MUC20: variants seen among roughly 807,000 people sequenced by gnomAD.
MUC20 encodes mucin-20.
Under a neutral mutation model 23.8 loss-of-function variants are expected in MUC20, and 14 were observed. The ratio of observed to expected loss-of-function variants is 0.59; its 90% CI spans 0.39 to 0.92. The LOEUF (loss-of-function observed/expected upper bound fraction) is 0.92, where lower values mean the gene tolerates loss of function less well. Among genes scored for constraint, MUC20 ranks in the 40% least tolerant of loss-of-function variants. The pLI is 0.00. For synonymous variants in MUC20, 166 were observed against 279.3 expected (o/e 0.59, Z 4.04); for missense variants, 375 against 668.8 (o/e 0.56, Z 4.85).
At chr3:195,727,768 C>G (rs537056870) in intron 2 of MUC20, among the ~76,000 whole-genome samples, 1 of 152,068 alleles carries the variant, frequency 6.6e-6, no homozygotes, top group East Asian at 1.9e-4. Flanking sequence ...CATATGTTAT[C>G]TGATGCCAGG....
chr3:195,722,903 A>T (rs1577837704), intron 1 of MUC20: 1 of 684,340 alleles, frequency 1.5e-6, no homozygotes, highest in East Asian at 1.2e-4. Flanking sequence ...CTGGGGGTGC[A>T]GCCCGCACTC....
At chr3:195,727,113 A>G (rs1712775137) in intron 2 of MUC20, among the ~76,000 whole-genome samples, 1 of 152,274 alleles carries the variant, frequency 6.6e-6, no homozygotes, top group Admixed American at 6.5e-5. Flanking sequence ...AAATAAATTA[A>G]TACAGGCCTG....
intron 3 of MUC20, 57 bp from the exon 4 acceptor site, chr3:195,733,093 C>T: frequency 6.5e-7 from 1 of 1,540,194 alleles, no homozygotes; most frequent in Non-Finnish European, 8.8e-7. Flanking sequence ...TCCTCTGCCT[C>T]TGGCGAGCTC....
Position 195,726,477 on chromosome 3 carries a change from T to C in MUC20, c.1874T>C (p.Leu625Ser). ...TNSSRGTNST[L>S]AKITTSAKTT... ...AGCAGCCGAGGGACGAACAGCACCT[T>C]AGCCAAGATCACAACCTCAGCGAAG... Residue 625 changes from leucine (L) to serine (S), a missense_variant, in exon 2 of 4, where the codon TTA becomes TCA. By Grantham distance (145) the Leu-to-Ser change is moderately radical. Around this residue, in one of 4 missense-constraint regions of MUC20, gnomAD observed 343 missense variants for 340.2 expected, o/e 1.01. Transcript: ENST00000447234. 2.5e-6 allele frequency: 4 copies of C among 1,614,022 alleles called. No individual in the cohort carries two copies. The highest frequency in any genetic ancestry group is 3.4e-6 in the Non-Finnish European group (4 of 1,179,890).
chr3:195,730,520 G>GTT (rs72121428), intron 3 of MUC20, among the ~76,000 whole-genome samples: 21,812 of 147,544 alleles, frequency 0.15, 1,522 homozygotes, highest in Non-Finnish European at 0.2. Context: ...TAATTTTTAT[G>GTT]TTTTTTTTTT....
Position 195,733,175 on chromosome 3 carries a change from C to T in MUC20, c.2087C>T (p.Ala696Val), listed in dbSNP as rs376887409. 2.6e-5 allele frequency: 41 copies of T among 1,595,078 alleles called. No homozygotes were observed. The highest frequency in any genetic ancestry group is 3.1e-5 in the Non-Finnish European group (36 of 1,171,842). The change falls in exon 4 of 4, where the codon GCG (alanine) becomes GTG (valine). Residue 696 changes from alanine to valine, a missense_variant. Physicochemically the swap from Ala to Val is moderately conservative, Grantham distance 64. Transcript: ENST00000447234. ...QQLHRELHAH[A>V]PHFQVSLLRV... ...CTCCACCGGGAACTCCACGCCCACG[C>T]GCCTCACTTCCAGGTCTCCTTACTG... is the stretch of plus-strand genomic sequence containing the variant.
chr3:195,731,662 C>A (rs1371812687), intron 3 of MUC20, among the ~76,000 whole-genome samples: 1 of 152,258 alleles, frequency 6.6e-6, no homozygotes, highest in Non-Finnish European at 1.5e-5. Context: ...CACATAGGTT[C>A]TCGCTGCCTT....
intron 3 of MUC20, 53 bp downstream of exon 3, chr3:195,729,792 G>A: frequency 1.3e-6 from 2 of 1,510,946 alleles, no homozygotes; most frequent in East Asian, 4.8e-5. Context: ...GAGGTTCGCA[G>A]GGGCTGCAGG....
chr3:195,731,089 G>T (rs1164939972), intron 3 of MUC20, among the ~76,000 whole-genome samples: 4 of 152,266 alleles, frequency 2.6e-5, no homozygotes, highest in Non-Finnish European at 5.9e-5. Context: ...AACAGGCCCA[G>T]TGCACAGTCT....
At chr3:195,727,684 A>G (rs7625305) in intron 2 of MUC20, among the ~76,000 whole-genome samples, 2,615 of 151,868 alleles carry the variant, frequency 0.017, 1 homozygote, top group African/African-American at 0.059. Flanking sequence ...TGATATAAAC[A>G]TGTTTCACAC....
Position 195,733,496 on chromosome 3 carries a change from C to G in MUC20, c.*278C>G, listed in dbSNP as rs992595285. On this transcript the variant is annotated 3_prime_UTR_variant, in exon 4 of 4. Transcript: ENST00000447234. Reference sequence around the variant, plus strand: ...GTTCTGTGTTTCAGTAAAGAGAGACCTGATCACCCATCTGTGTGCTTCCAT... The same window carrying G: ...GTTCTGTGTTTCAGTAAAGAGAGACGTGATCACCCATCTGTGTGCTTCCAT... 2.1e-5 allele frequency: 29 copies of G among 1,383,508 alleles called. No homozygotes were observed. The highest frequency in any genetic ancestry group is 2.7e-5 in the Non-Finnish European group (29 of 1,072,550). The allele number at this position is 1,383,508 out of a possible 1,614,324, so 85.7% of individuals were successfully genotyped here. A position where few individuals can be genotyped will look rare whatever the true frequency, so the allele number is the denominator to read the frequency against.
chr3:195,729,832 A>C, intron 3 of MUC20, 93 bp downstream of exon 3: 3 of 1,249,300 alleles, frequency 2.4e-6, no homozygotes, highest in Non-Finnish European at 3.4e-6. Flanking sequence ...AAGAGCAGCT[A>C]CCGCGCTTGG....
intron 1 of MUC20, chr3:195,722,051 G>T: frequency 5.8e-6 from 1 of 172,414 alleles, no homozygotes; most frequent in Non-Finnish European, 1.2e-5. Flanking sequence ...CTGCAGTGGA[G>T]AGTCTGGAGT....
chr3:195,728,022 T>C (rs547951179), intron 2 of MUC20, among the ~76,000 whole-genome samples: 147 of 152,356 alleles, frequency 9.6e-4, no homozygotes, highest in African/African-American at 3.4e-3. Flanking sequence ...TATTTAACCT[T>C]CAAAACAGCC....
rs1353754664 is a variant in MUC20 at position 195,733,407 on chromosome 3, A to C, written c.*189A>C. ...CAGGACCCTCGCTCACATCCACCGGAGTGTATGTGTGGGGAGGGGCTTCAC... is the reference window on the plus strand; with the variant it reads ...CAGGACCCTCGCTCACATCCACCGGCGTGTATGTGTGGGGAGGGGCTTCAC... On this transcript the variant is annotated 3_prime_UTR_variant, in exon 4 of 4. Transcript: ENST00000447234. 6.9e-7 allele frequency: 1 copy of C among 1,449,150 alleles called. No individual in the cohort carries two copies. The highest frequency in any genetic ancestry group is 2.6e-5 in the Admixed American group (1 of 38,128). The allele number at this position is 1,449,150 out of a possible 1,614,324, so 89.8% of individuals were successfully genotyped here. A position where few individuals can be genotyped will look rare whatever the true frequency, so the allele number is the denominator to read the frequency against.
intron 3 of MUC20, chr3:195,730,099 CAAAAAAAAA>C (rs4036961): frequency 1.2e-3 from 111 of 93,114 alleles, no homozygotes; most frequent in Middle Eastern, 6.5e-3. Flanking sequence ...GCAGTTTATG[CAAAAAAAAA>C]AAAAAAAAAA....
chr3:195,728,728 A>G (rs1185641542), intron 2 of MUC20, among the ~76,000 whole-genome samples: 1 of 105,266 alleles, frequency 9.5e-6, no homozygotes. Context: ...CCACAAGGCC[A>G]TATTTCAGAC....
intron 3 of MUC20, among the ~76,000 whole-genome samples, chr3:195,731,614 C>T (rs1193933167): frequency 4.6e-5 from 7 of 152,242 alleles, no homozygotes; most frequent in African/African-American, 1.7e-4. Flanking sequence ...TTGGATGCTG[C>T]CACAGCCAAG....
Position 195,725,171 on chromosome 3 carries a change from T to C in MUC20, c.568T>C (p.Ser190Pro). 8.0e-7 allele frequency: 1 copy of C among 1,257,576 alleles called. No homozygotes were observed. The highest frequency in any genetic ancestry group is 3.0e-5 in the African/African-American group (1 of 33,050). 77.9% of individuals were successfully genotyped at this position (1,257,576 alleles called of 1,614,324 possible). The change falls in exon 2 of 4, where the codon TCA (serine) becomes CCA (proline). Residue 190 changes from serine (S) to proline (P), a missense_variant. Ser to Pro is a moderately conservative substitution (Grantham distance 74). Transcript: ENST00000447234. ...SDSPHPVITP[S>P]RASESSASSD... ...CAGCCCCCATCCAGTCATCACCCCG[T>C]CACGGGCCTCAGAGAGCAGCGCCTC...
Sources: allele counts gnomAD v4.1 joint callset (sites outside exome capture counted in the v4.1 genomes callset), GRCh38; gene constraint gnomAD v4.1.1; regional missense constraint gnomAD v4.1.1; transcripts MANE v1.5; gene names NCBI Gene and HGNC (gene_info 2026-07-23, HGNC 2026-07-21).